The following TMEM87A variants were observed in gnomAD, a reference collection of about 807,000 sequenced individuals.
TMEM87A encodes transmembrane protein 87A, also known as Golgi-pH regulating cation channel.
A neutral mutation model predicts 90.0 loss-of-function variants in TMEM87A; 50 were observed. That is an observed-to-expected ratio of 0.56 (90% CI 0.44 to 0.70). The LOEUF (loss-of-function observed/expected upper bound fraction) is 0.70. Ranked by LOEUF, TMEM87A falls within the 30% of genes least tolerant of loss-of-function variation. The probability of loss-of-function intolerance (pLI) is 0.00; values close to 1 mark genes in which losing one functional copy is unlikely to be tolerated. For missense variants in TMEM87A, 577 were observed against 660.5 expected (o/e 0.87, Z 1.39); for synonymous variants, 226 against 226.7 (o/e 1.00, Z 0.03).
chr15:42,229,490 G>A (rs1409800341), intron 12 of TMEM87A, among the ~76,000 whole-genome samples: 1 of 151,892 alleles, frequency 6.6e-6, no homozygotes, highest in Non-Finnish European at 1.5e-5. Flanking sequence ...TAACAGGCAA[G>A]GGACAAAGAG....
intron 17 of TMEM87A, 143 bp from the exon 18 acceptor site, chr15:42,218,521 T>C: frequency 1.4e-6 from 1 of 696,026 alleles, no homozygotes; most frequent in Admixed American, 3.2e-5. Flanking sequence ...AAGTCAAATA[T>C]TTTAATTTTT....
intron 15 of TMEM87A, among the ~76,000 whole-genome samples, chr15:42,222,071 G>GC (rs1388307780): frequency 1.3e-5 from 2 of 151,810 alleles, no homozygotes; most frequent in Non-Finnish European, 2.9e-5. Context: ...TTTTTTGGTT[G>GC]TTTTTTTTGA....
rs955140194 is a variant in TMEM87A at position 42,257,933 on chromosome 15, T to C, written c.504+3025A>G. Reference sequence around the variant, plus strand: ...TGTAATCACACCAAACTGCTAAAACTATTAGAACATAAAATTACAAAGGAT... The same window carrying C: ...TGTAATCACACCAAACTGCTAAAACCATTAGAACATAAAATTACAAAGGAT... On this transcript the variant is annotated intron_variant, in intron 6 of 19. Transcript: ENST00000389834. 6.6e-5 allele frequency: 65 copies of C among 983,932 alleles called. 1 individual carries two copies. The highest frequency in any genetic ancestry group is 1.2e-4 in the Admixed American group (2 of 16,264). 61.0% of individuals were successfully genotyped at this position (983,932 alleles called of 1,614,324 possible).
intron 6 of TMEM87A, among the ~76,000 whole-genome samples, chr15:42,249,463 G>C (rs775641809): frequency 5.3e-5 from 8 of 152,202 alleles, no homozygotes; most frequent in Non-Finnish European, 1.0e-4. Context: ...ATGTGTCCCA[G>C]AGATTCTGGT....
chr15:42,269,806 G>T (rs1377727641), intron 2 of TMEM87A, among the ~76,000 whole-genome samples: 2 of 145,862 alleles, frequency 1.4e-5, no homozygotes, highest in Non-Finnish European at 3.0e-5. Context: ...CGCGGTGGCG[G>T]GCGCCTGTAG....
intron 14 of TMEM87A, 25 bp from the exon 15 acceptor site, chr15:42,226,934 CATTT>C: frequency 1.3e-6 from 2 of 1,592,950 alleles, no homozygotes; most frequent in Non-Finnish European, 8.6e-7. Context: ...AGAAGTACAA[CATTT>C]ATACACATTA....
At chr15:42,260,215 A>T (rs1173884777) in intron 6 of TMEM87A, among the ~76,000 whole-genome samples, 2 of 152,184 alleles carry the variant, frequency 1.3e-5, no homozygotes, top group South Asian at 2.1e-4. Flanking sequence ...CCCACAAAAA[A>T]TTTTTTAAAA....
chr15:42,270,994 A>C (rs2051512053), intron 2 of TMEM87A, among the ~76,000 whole-genome samples: 1 of 152,250 alleles, frequency 6.6e-6, no homozygotes, highest in South Asian at 2.1e-4. Flanking sequence ...ACTATGACTT[A>C]AAATTTTGCA....
chr15:42,270,515 G>A (rs2051500044), intron 2 of TMEM87A, among the ~76,000 whole-genome samples: 2 of 152,192 alleles, frequency 1.3e-5, no homozygotes, highest in Non-Finnish European at 2.9e-5. Flanking sequence ...AGAATCGCTT[G>A]AACCTGGGAG....
chr15:42,231,920 A>C, intron 11 of TMEM87A: 1 of 1,264,598 alleles, frequency 7.9e-7, no homozygotes. Flanking sequence ...AAAATACTAT[A>C]GCAACAGCAG....
chr15:42,249,696 T>G (rs975624872), intron 6 of TMEM87A, among the ~76,000 whole-genome samples: 1 of 152,248 alleles, frequency 6.6e-6, no homozygotes, highest in African/African-American at 2.4e-5. Flanking sequence ...CTTCCAACTA[T>G]GTGGTCAATT....
At chr15:42,224,336 CAT>C (rs2050551176) in intron 15 of TMEM87A, 1 of 152,208 alleles carries the variant, frequency 6.6e-6, no homozygotes, top group South Asian at 2.1e-4. Flanking sequence ...CATACTGTCA[CAT>C]ATTTGGCTGG....
intron 16 of TMEM87A, 76 bp downstream of exon 16, chr15:42,219,986 G>A: frequency 1.5e-6 from 2 of 1,339,080 alleles, no homozygotes; most frequent in Non-Finnish European, 2.0e-6. Context: ...GAACAACACA[G>A]TTATAAAATA....
At chr15:42,239,276 A>G (rs1595725727) in intron 8 of TMEM87A, among the ~76,000 whole-genome samples, 4 of 152,276 alleles carry the variant, frequency 2.6e-5, no homozygotes, top group Admixed American at 2.6e-4. Context: ...CCTGACCTCA[A>G]GTGATCTGCC....
chr15:42,269,942 C>CAAAAA (rs11308996), intron 2 of TMEM87A, among the ~76,000 whole-genome samples: 9 of 71,674 alleles, frequency 1.3e-4, no homozygotes, highest in African/African-American at 4.3e-4. Context: ...GACTCCGTCT[C>CAAAAA]AAAAAAAAAA....
Position 42,218,322 on chromosome 15 carries a change from C to T in TMEM87A, c.1595+1G>A, listed in dbSNP as rs1412635521. 1 of 1,613,562 alleles carries T rather than the reference C, an allele frequency of 6.2e-7. No individual in the cohort carries two copies. The stretch of plus-strand genomic sequence containing the variant: ...CTTGTGGTAATCATTCAAAAACTTA[C>T]ACATCTGTCACAGAAGAAGGAACAT... On this transcript the variant is annotated splice_donor_variant, in intron 18 of 19. Coordinates refer to ENST00000389834, the MANE Select transcript of TMEM87A (RefSeq NM_015497.5). LOFTEE classifies it high-confidence loss of function.
chr15:42,251,626 C>CAG (rs2051088052), intron 6 of TMEM87A, among the ~76,000 whole-genome samples: 2 of 152,162 alleles, frequency 1.3e-5, no homozygotes, highest in South Asian at 4.1e-4. Flanking sequence ...AGCTTCATCT[C>CAG]AGAGGGACAC....
chr15:42,255,141 G>GA (rs1343907115), intron 6 of TMEM87A, among the ~76,000 whole-genome samples: 1 of 149,826 alleles, frequency 6.7e-6, no homozygotes, highest in South Asian at 2.1e-4. Flanking sequence ...TGGGGGTTTT[G>GA]TTTTTTTTTA....
At chr15:42,261,782 C>T (rs1187039739) in intron 4 of TMEM87A, among the ~76,000 whole-genome samples, 1 of 151,922 alleles carries the variant, frequency 6.6e-6, no homozygotes, top group Non-Finnish European at 1.5e-5. Context: ...TACAGGTGCC[C>T]GCCACCATGC....
Sources: gnomAD v4.1 joint callset for allele counts (sites outside exome capture counted in the v4.1 genomes callset) on GRCh38, gnomAD v4.1.1 for gene constraint, MANE v1.5 for transcripts, NCBI Gene and HGNC (gene_info 2026-07-23, HGNC 2026-07-21) for gene names.